The following PARPBP variants were observed in gnomAD, a reference collection of about 807,000 sequenced individuals.
PARPBP encodes PCNA-interacting partner.
PARPBP carries 52 observed loss-of-function variants against 50.0 expected under a neutral mutation model. That is an observed-to-expected ratio of 1.04 (90% CI 0.83 to 1.31). The LOEUF (loss-of-function observed/expected upper bound fraction) is 1.31. Ranked by LOEUF, PARPBP falls within the 50% of genes most tolerant of loss-of-function variation. The pLI is 0.00. For synonymous variants in PARPBP, 244 were observed against 232.1 expected (o/e 1.05, Z -0.47); for missense variants, 697 against 672.0 (o/e 1.04, Z -0.41).
chr12:102,162,114 AT>A (rs1195422756), intron 4 of PARPBP, among the ~76,000 whole-genome samples: 1 of 152,134 alleles, frequency 6.6e-6, no homozygotes, highest in Non-Finnish European at 1.5e-5. Context: ...TATCTTTTGA[AT>A]TTATTTTAAG....
intron 7 of PARPBP, among the ~76,000 whole-genome samples, chr12:102,176,071 C>T (rs1889246232): frequency 6.6e-6 from 1 of 151,946 alleles, no homozygotes; most frequent in East Asian, 1.9e-4. Context: ...CAACCTCTGC[C>T]TCCTGGGTTC....
At position 102,178,973 on chromosome 12, in the gene PARPBP, A is replaced by T. The variant is rs142201387; in HGVS notation, c.1184+203A>T. 1.3e-4 allele frequency among the ~76,000 whole-genome samples: 20 copies of T among 152,276 alleles called. 1 individual carries two copies. The East Asian group carries it at 3.8e-3, about 29-fold the overall frequency. On this transcript the variant is annotated intron_variant, in intron 8 of 10. Transcript: ENST00000327680. ...ATTTTATGAGAGTACAGCCTGAGAG[A>T]TGTCTTTGGTTTCAGTGTTGTTTTT...
At chr12:102,143,094 G>T (rs1001391504) in intron 2 of PARPBP, among the ~76,000 whole-genome samples, 3 of 152,216 alleles carry the variant, frequency 2.0e-5, no homozygotes, top group African/African-American at 7.2e-5. Flanking sequence ...CAGAGGTGGA[G>T]TGTACAGAGG....
At chr12:102,140,711 A>T (rs1414068866) in intron 2 of PARPBP, among the ~76,000 whole-genome samples, 1 of 152,196 alleles carries the variant, frequency 6.6e-6, no homozygotes, top group Non-Finnish European at 1.5e-5. Context: ...TTCAAAGAAC[A>T]TCTTTATTTC....
chr12:102,192,140 TG>T (rs1287531636), intron 9 of PARPBP, among the ~76,000 whole-genome samples: 1 of 152,156 alleles, frequency 6.6e-6, no homozygotes, highest in Non-Finnish European at 1.5e-5. Flanking sequence ...TTTTTTGAGC[TG>T]CATTCCTAGG....
In PARPBP at chr12:102,195,457, C is replaced by T. The variant is rs1287751475; in HGVS notation, c.1399+10C>T. 3 of 1,562,874 alleles carry T rather than the reference C, an allele frequency of 1.9e-6. No individual in the cohort carries two copies. Among genetic ancestry groups the T allele is most frequent in the South Asian group, 1.2e-5 (1 of 84,130 alleles). On this transcript the variant is annotated intron_variant, in intron 10 of 10. Coordinates refer to ENST00000327680, the MANE Select transcript of PARPBP (RefSeq NM_017915.5). Reference sequence around the variant, plus strand: ...GAAAATGACCTTTCTGGTAATTGACCTTATTTGTGCAATTAAATAACAATT... The same window carrying T: ...GAAAATGACCTTTCTGGTAATTGACTTTATTTGTGCAATTAAATAACAATT...
chr12:102,131,586 A>T (rs907128702), intron 2 of PARPBP, among the ~76,000 whole-genome samples: 1 of 152,348 alleles, frequency 6.6e-6, no homozygotes, highest in East Asian at 1.9e-4. Context: ...TTTGGAATCA[A>T]CCTAAATGGC....
intron 9 of PARPBP, among the ~76,000 whole-genome samples, chr12:102,191,636 T>C (rs1343071260): frequency 6.6e-6 from 1 of 152,172 alleles, no homozygotes; most frequent in African/African-American, 2.4e-5. Flanking sequence ...CTTTCCTATG[T>C]GAAGTACTAT....
chr12:102,155,661 C>A (rs150053645), intron 4 of PARPBP, among the ~76,000 whole-genome samples: 1 of 151,648 alleles, frequency 6.6e-6, no homozygotes, highest in Non-Finnish European at 1.5e-5. Context: ...CTTCAACACC[C>A]TTTGGGTCCC....
intron 2 of PARPBP, among the ~76,000 whole-genome samples, chr12:102,143,912 A>C (rs1258734953): frequency 6.6e-6 from 1 of 152,198 alleles, no homozygotes; most frequent in Admixed American, 6.5e-5. Flanking sequence ...TTTGAAAATG[A>C]TGTAACTGTG....
chr12:102,152,117 C>T lies in PARPBP; in HGVS notation c.388-1752C>T, dbSNP rs191163897. The T allele has an allele frequency of 1.9e-4, 56 of 296,422 alleles. 1 individual carries two copies. Among genetic ancestry groups the T allele is most frequent in the South Asian group, 1.4e-3 (41 of 28,456 alleles). The allele number at this position is 296,422 out of a possible 1,614,324, so 18.4% of individuals were successfully genotyped here. A position where few individuals can be genotyped will look rare whatever the true frequency, so the allele number is the denominator to read the frequency against. On this transcript the variant is annotated intron_variant, in intron 3 of 10. Transcript: ENST00000327680. Reference sequence around the variant, plus strand: ...TCCCTTGCTCTGCTGCTTCCTCGCTCCTCTTCCTAGATGTTGGGCAGGTGG... The same window carrying T: ...TCCCTTGCTCTGCTGCTTCCTCGCTTCTCTTCCTAGATGTTGGGCAGGTGG...
chr12:102,153,790 A>C, intron 3 of PARPBP, 79 bp from the exon 4 acceptor site: 2 of 744,952 alleles, frequency 2.7e-6, no homozygotes, highest in South Asian at 3.2e-5. Context: ...AACATCAATG[A>C]CACTGAGTAG....
At chr12:102,179,521 T>C (rs1248872523) in intron 8 of PARPBP, among the ~76,000 whole-genome samples, 1 of 152,194 alleles carries the variant, frequency 6.6e-6, no homozygotes. Context: ...TCCCCTTGGG[T>C]TGCAGATAAC....
chr12:102,181,603 ATGT>A (rs950817597), intron 8 of PARPBP, among the ~76,000 whole-genome samples: 8 of 152,254 alleles, frequency 5.3e-5, no homozygotes, highest in African/African-American at 1.9e-4. Context: ...GTTGACCAAA[ATGT>A]TGTTATGCAG....
chr12:102,189,784 T>A (rs1890630098), intron 9 of PARPBP, among the ~76,000 whole-genome samples: 1 of 152,116 alleles, frequency 6.6e-6, no homozygotes, highest in Admixed American at 6.6e-5. Flanking sequence ...TTTTATGGTA[T>A]TAAGGAATAG....
At chr12:102,176,819 T>C (rs1889331874) in intron 7 of PARPBP, among the ~76,000 whole-genome samples, 1 of 152,238 alleles carries the variant, frequency 6.6e-6, no homozygotes, top group Non-Finnish European at 1.5e-5. Context: ...TTTTTAGATT[T>C]ACTTTGAAGG....
chr12:102,155,941 A>T (rs780082960), intron 4 of PARPBP, among the ~76,000 whole-genome samples: 4 of 152,260 alleles, frequency 2.6e-5, no homozygotes, highest in Non-Finnish European at 5.9e-5. Flanking sequence ...GCTGAACACT[A>T]GTCGCTGGGT....
chr12:102,165,611 A>G, intron 5 of PARPBP, 118 bp from the exon 6 acceptor site: 1 of 755,156 alleles, frequency 1.3e-6, no homozygotes, highest in South Asian at 1.7e-5. Flanking sequence ...ATGAGCCATA[A>G]AATGTGCTTC....
chr12:102,139,172 G>GT (rs1000257514), intron 2 of PARPBP, among the ~76,000 whole-genome samples: 5 of 152,124 alleles, frequency 3.3e-5, no homozygotes, highest in Non-Finnish European at 7.3e-5. Flanking sequence ...ATTGAGCAGT[G>GT]GTTTGTAGTT....
Sources: allele counts gnomAD v4.1 joint callset (sites outside exome capture counted in the v4.1 genomes callset), GRCh38; gene constraint gnomAD v4.1.1; transcripts MANE v1.5; gene names NCBI Gene and HGNC (gene_info 2026-07-23, HGNC 2026-07-21).